Variants in ANXA4 observed in about 807,000 individuals in gnomAD.
The protein encoded by ANXA4 is annexin A4, also known as 35-beta calcimedin.
Under a neutral mutation model 49.8 loss-of-function variants are expected in ANXA4, and 39 were observed. The observed-to-expected ratio is 0.78, with a 90% CI of 0.61 to 1.02. ANXA4 has a LOEUF of 1.02. Among genes scored for constraint, ANXA4 ranks in the 50% least tolerant of loss-of-function variants. ANXA4 has a pLI of 0.00. For missense variants in ANXA4, 360 were observed against 410.1 expected, an observed-to-expected ratio of 0.88 and a Z score of 1.05; for synonymous variants, 134 against 152.5, an observed-to-expected ratio of 0.88 and a Z score of 0.89.
At chr2:69,748,419 A>C (rs534512011) in intron 1 of ANXA4, among the ~76,000 whole-genome samples, 5 of 151,688 alleles carry the variant, frequency 3.3e-5, no homozygotes, top group African/African-American at 4.8e-5. Context: ...AAAGGCACAC[A>C]TGCGGAAAAT....
upstream of ANXA4, among the ~76,000 whole-genome samples, chr2:69,738,549 C>T (rs1385575823): frequency 6.6e-6 from 1 of 152,132 alleles, no homozygotes; most frequent in Non-Finnish European, 1.5e-5. Context: ...AGCCTAATCC[C>T]CTTCCCTTAA....
chr2:69,731,980 C>CTTTTTTTTTTT (rs11425067), intron 3 of ANXA4, among the ~76,000 whole-genome samples: 12 of 120,130 alleles, frequency 1.0e-4, no homozygotes, highest in African/African-American at 1.6e-4. Context: ...TCTTTTCTTT[C>CTTTTTTTTTTT]TTTTTTTTTT....
chr2:69,778,118 T>G (rs1026899846), intron 1 of ANXA4, among the ~76,000 whole-genome samples: 1 of 152,246 alleles, frequency 6.6e-6, no homozygotes, highest in African/African-American at 2.4e-5. Flanking sequence ...AAAGACATTC[T>G]TGGCTTGTAG....
chr2:69,688,760 C>G (rs930913666), intron 2 of ANXA4, among the ~76,000 whole-genome samples: 1 of 152,168 alleles, frequency 6.6e-6, no homozygotes, highest in African/African-American at 2.4e-5. Context: ...TATTAATATT[C>G]AACTTGGCTT....
intron 1 of ANXA4, among the ~76,000 whole-genome samples, chr2:69,744,634 C>T (rs1252679113): frequency 1.3e-5 from 2 of 152,144 alleles, no homozygotes; most frequent in Admixed American, 6.5e-5. Flanking sequence ...CCTAGGCTGT[C>T]TTATCTAATC....
chr2:69,787,480 C>T (rs569032784), intron 2 of ANXA4, among the ~76,000 whole-genome samples: 1 of 152,214 alleles, frequency 6.6e-6, no homozygotes, highest in Non-Finnish European at 1.5e-5. Flanking sequence ...TAACATTCTC[C>T]TTTCTCCTGT....
intron 6 of ANXA4, chr2:69,810,303 G>A: frequency 3.0e-6 from 1 of 337,828 alleles, no homozygotes; most frequent in South Asian, 3.1e-5. Flanking sequence ...AGGTTGCAGT[G>A]AGCTGAGATG....
rs559530903 is a variant in ANXA4, at chr2:69,680,409, C to T, written n.766+27127C>T. 3.9e-5 allele frequency among the ~76,000 whole-genome samples: 6 copies of T among 152,202 alleles called. No individual in the cohort carries two copies. The South Asian group carries it at 1.2e-3, about 32-fold the overall frequency. Reference sequence around the variant, plus strand: ...AGTTCTAAAAGTTTTTGGGTGCACCCTTTAGGTTTTTCTAGATATAAGATC... The same window carrying T: ...AGTTCTAAAAGTTTTTGGGTGCACCTTTTAGGTTTTTCTAGATATAAGATC... On this transcript the variant is annotated intron_variant and non_coding_transcript_variant, in intron 2 of 3. Transcript: ENST00000418066.
chr2:69,666,238 G>A (rs867943199), intron 2 of ANXA4, among the ~76,000 whole-genome samples: 1 of 152,102 alleles, frequency 6.6e-6, no homozygotes. Context: ...ACATGAAAAG[G>A]TGCTAAACAT....
At chr2:69,745,280 G>C (rs769686252) in intron 1 of ANXA4, among the ~76,000 whole-genome samples, 1 of 152,100 alleles carries the variant, frequency 6.6e-6, no homozygotes, top group Non-Finnish European at 1.5e-5. Flanking sequence ...AAACCCATAG[G>C]CTGGGTGGCC....
chr2:69,764,700 T>C (rs1430379779), intron 1 of ANXA4, among the ~76,000 whole-genome samples: 1 of 152,210 alleles, frequency 6.6e-6, no homozygotes, highest in African/African-American at 2.4e-5. Context: ...TAAATACACA[T>C]GAAATTTTAC....
chr2:69,661,998 C>T (rs960253787), intron 2 of ANXA4, among the ~76,000 whole-genome samples: 2 of 152,112 alleles, frequency 1.3e-5, no homozygotes, highest in African/African-American at 4.8e-5. Context: ...TAAAAAACCA[C>T]CCCAACACTT....
At chr2:69,758,287 A>G (rs1274327340) in intron 1 of ANXA4, among the ~76,000 whole-genome samples, 3 of 152,306 alleles carry the variant, frequency 2.0e-5, no homozygotes, top group South Asian at 4.1e-4. Flanking sequence ...CGCTGCGACT[A>G]CAGGCGTGAG....
intron 1 of ANXA4, among the ~76,000 whole-genome samples, chr2:69,768,677 C>G (rs1671591006): frequency 6.6e-6 from 1 of 152,168 alleles, no homozygotes; most frequent in African/African-American, 2.4e-5. Context: ...TAAAACTGTC[C>G]TGTAAGTCCC....
intron 2 of ANXA4, among the ~76,000 whole-genome samples, chr2:69,704,758 A>G (rs973002078): frequency 6.6e-6 from 1 of 152,196 alleles, no homozygotes; most frequent in Admixed American, 6.5e-5. Context: ...GGTTGAGCTC[A>G]TAGTGTGAAG....
chr2:69,719,798 T>G (rs1559109073), intron 2 of ANXA4, among the ~76,000 whole-genome samples: 3 of 152,258 alleles, frequency 2.0e-5, no homozygotes, highest in East Asian at 3.9e-4. Context: ...TCATTAAATT[T>G]TGTATTTTTA....
At chr2:69,792,340 G>A (rs982123500) in intron 3 of ANXA4, among the ~76,000 whole-genome samples, 1 of 152,144 alleles carries the variant, frequency 6.6e-6, no homozygotes, top group African/African-American at 2.4e-5. Flanking sequence ...TTTTACCCTT[G>A]CATTAGTTTG....
chr2:69,712,350 C>T (rs994822715), intron 2 of ANXA4, among the ~76,000 whole-genome samples: 26 of 152,252 alleles, frequency 1.7e-4, no homozygotes, highest in African/African-American at 5.3e-4. Flanking sequence ...CTTTACATTC[C>T]GTGGGGAGAA....
intron 2 of ANXA4, among the ~76,000 whole-genome samples, chr2:69,785,074 C>A (rs1335086692): frequency 2.0e-5 from 3 of 152,126 alleles, no homozygotes; most frequent in Non-Finnish European, 4.4e-5. Context: ...AATAACGGGG[C>A]CCAAGGAAGT....
Sources: gnomAD v4.1 joint callset for allele counts (sites outside exome capture counted in the v4.1 genomes callset) on GRCh38, gnomAD v4.1.1 for gene constraint, MANE v1.5 for transcripts, NCBI Gene and HGNC (gene_info 2026-07-23, HGNC 2026-07-21) for gene names.